The following DLG2 variants were observed in gnomAD, a reference collection of about 807,000 sequenced individuals.
The protein encoded by DLG2 is discs large MAGUK scaffold protein 2.
DLG2 carries 45 observed loss-of-function variants against 132.5 expected under a neutral mutation model. The ratio of observed to expected loss-of-function variants is 0.34; its 90% CI spans 0.27 to 0.44. The LOEUF (loss-of-function observed/expected upper bound fraction) is 0.44. DLG2 is among the 20% of genes least tolerant of loss of function. The probability of loss-of-function intolerance (pLI) is 1.00; values close to 1 mark genes in which losing one functional copy is unlikely to be tolerated. For synonymous variants in DLG2, 424 were observed against 419.6 expected, an observed-to-expected ratio of 1.01 and a Z score of -0.13; for missense variants, 1,045 against 1,196.9, an observed-to-expected ratio of 0.87 and a Z score of 1.87.
chr11:85,078,977 C>G (rs531139126), intron 6 of DLG2, among the ~76,000 whole-genome samples: 2 of 151,962 alleles, frequency 1.3e-5, no homozygotes, highest in East Asian at 3.9e-4. Flanking sequence ...GTCCTCAGAA[C>G]ATGCACCCAA....
At chr11:84,330,005 C>T (rs897843537) in intron 7 of DLG2, among the ~76,000 whole-genome samples, 2 of 151,926 alleles carry the variant, frequency 1.3e-5, no homozygotes, top group African/African-American at 2.4e-5. Flanking sequence ...ATAAAATAAG[C>T]TTTCACACCA....
intron 7 of DLG2, among the ~76,000 whole-genome samples, chr11:84,375,717 T>C (rs1403245892): frequency 6.6e-6 from 1 of 152,034 alleles, no homozygotes; most frequent in Non-Finnish European, 1.5e-5. Context: ...TAATACTGAT[T>C]GTTATTGAGG....
At chr11:83,662,390 C>T (rs923306830) in intron 18 of DLG2, among the ~76,000 whole-genome samples, 1 of 152,218 alleles carries the variant, frequency 6.6e-6, no homozygotes, top group African/African-American at 2.4e-5. Context: ...ACCCCCAGCT[C>T]TTCTCTCTCT....
chr11:84,796,945 C>T (rs1195353676), intron 6 of DLG2, among the ~76,000 whole-genome samples: 1 of 151,990 alleles, frequency 6.6e-6, no homozygotes, highest in Middle Eastern at 3.2e-3. Flanking sequence ...CTCCTGGGTT[C>T]AAGCGATTCT....
intron 3 of DLG2, among the ~76,000 whole-genome samples, chr11:85,491,726 C>T (rs2093564103): frequency 6.6e-6 from 1 of 151,894 alleles, no homozygotes; most frequent in African/African-American, 2.4e-5. Context: ...AAAACTAAAA[C>T]ACTGGTTAAA....
chr11:83,513,656 T>C (rs1185379904), intron 21 of DLG2, among the ~76,000 whole-genome samples: 3 of 152,232 alleles, frequency 2.0e-5, no homozygotes, highest in Admixed American at 6.5e-5. Context: ...GTTTTTATGG[T>C]TTTAGATCTA....
intron 4 of DLG2, among the ~76,000 whole-genome samples, chr11:85,193,202 G>A (rs767713953): frequency 2.0e-5 from 3 of 152,026 alleles, no homozygotes; most frequent in African/African-American, 7.3e-5. Context: ...TTTCCACTTA[G>A]GATAATGTTT....
In DLG2 at chr11:84,767,911, C is replaced by G. The variant is rs969799983; in HGVS notation, c.358-233180G>C. On this transcript the variant is annotated intron_variant, in intron 6 of 27. Transcript: ENST00000376104. ...CTCCCTTTGGCCTTCTCTTAAAACTCTGGATACATGTATTATCAGGAGAAA... is the reference window on the plus strand; with the variant it reads ...CTCCCTTTGGCCTTCTCTTAAAACTGTGGATACATGTATTATCAGGAGAAA... Among the ~76,000 whole-genome samples, 8 of 152,152 alleles carry G rather than the reference C, an allele frequency of 5.3e-5. No individual in the cohort carries two copies. The East Asian group carries it at 7.7e-4, about 15-fold the overall frequency.
intron 10 of DLG2, among the ~76,000 whole-genome samples, chr11:84,071,130 T>C (rs74965124): frequency 0.021 from 3,266 of 152,318 alleles, 97 homozygotes; most frequent in East Asian, 0.13. Flanking sequence ...TCTCATTCTG[T>C]TGCCCCAGCT....
In DLG2 at chr11:85,436,590, A is replaced by C. The variant is rs1478913769; in HGVS notation, c.41-151225T>G. ...ATCATTGATCATTAGAGAAATGCAAATCCAAACCACAGTGAGATACTATCT... is the reference window on the plus strand; with the variant it reads ...ATCATTGATCATTAGAGAAATGCAACTCCAAACCACAGTGAGATACTATCT... On this transcript the variant is annotated intron_variant, in intron 3 of 27. Transcript: ENST00000376104. 2.6e-5 allele frequency among the ~76,000 whole-genome samples: 4 copies of C among 152,364 alleles called. No homozygotes were observed. In the East Asian group the frequency reaches 7.7e-4, roughly 29 times the overall value.
chr11:84,361,561 T>C (rs902342053), intron 7 of DLG2, among the ~76,000 whole-genome samples: 2 of 151,962 alleles, frequency 1.3e-5, no homozygotes, highest in African/African-American at 4.8e-5. Flanking sequence ...GGAAGATTTG[T>C]GGGCAAAGAA....
chr11:85,373,107 C>G (rs2085119009), intron 3 of DLG2, among the ~76,000 whole-genome samples: 1 of 152,110 alleles, frequency 6.6e-6, no homozygotes, highest in Admixed American at 6.5e-5. Flanking sequence ...ACTGGTCGAC[C>G]TAGGTTTGGG....
chr11:84,774,624 C>T (rs111678985), intron 6 of DLG2, among the ~76,000 whole-genome samples: 2,212 of 151,952 alleles, frequency 0.015, 53 homozygotes, highest in African/African-American at 0.05. Context: ...GGGCCGAGAA[C>T]GCAGAAATAA....
rs76503624 is a variant in DLG2, at chr11:84,206,439, T to C, written c.574-42928A>G. 8.3e-3 allele frequency among the ~76,000 whole-genome samples: 1,256 copies of C among 151,940 alleles called. 21 individuals carry two copies. Among genetic ancestry groups the C allele is most frequent in the African/African-American group, 0.029 (1,200 of 41,466 alleles). On this transcript the variant is annotated intron_variant, in intron 8 of 27. Transcript: ENST00000376104. ...ATAATATAACCTGACAAGAACACAATGAGAAAAGCAAAAGATCAATATCCT... is the reference window on the plus strand; with the variant it reads ...ATAATATAACCTGACAAGAACACAACGAGAAAAGCAAAAGATCAATATCCT...
At chr11:83,851,356 G>A (rs901104045) in intron 16 of DLG2, among the ~76,000 whole-genome samples, 42 of 152,132 alleles carry the variant, frequency 2.8e-4, no homozygotes, top group Non-Finnish European at 5.0e-4. Flanking sequence ...TGGGCGGGGT[G>A]GCTCATGCCT....
At chr11:85,318,854 C>G (rs1305659956) in intron 3 of DLG2, among the ~76,000 whole-genome samples, 1 of 151,780 alleles carries the variant, frequency 6.6e-6, no homozygotes, top group Non-Finnish European at 1.5e-5. Context: ...GGTTAAGAAT[C>G]CATGACAACT....
chr11:85,018,982 A>G (rs1566660339), intron 6 of DLG2, among the ~76,000 whole-genome samples: 1 of 152,196 alleles, frequency 6.6e-6, no homozygotes, highest in Non-Finnish European at 1.5e-5. Flanking sequence ...AATACATTGT[A>G]ACATTTGTGT....
chr11:84,744,527 C>T (rs530127519), intron 6 of DLG2, among the ~76,000 whole-genome samples: 4 of 152,080 alleles, frequency 2.6e-5, no homozygotes, highest in Admixed American at 6.6e-5. Flanking sequence ...GGGAATTTAC[C>T]GTTCTGTGTC....
intron 3 of DLG2, among the ~76,000 whole-genome samples, chr11:85,568,040 G>A (rs1364829600): frequency 2.1e-5 from 3 of 144,086 alleles, no homozygotes; most frequent in African/African-American, 7.8e-5. Flanking sequence ...TTGAGATGGA[G>A]TTTTGCTCTT....
Sources: allele counts gnomAD v4.1 joint callset (sites outside exome capture counted in the v4.1 genomes callset), GRCh38; gene constraint gnomAD v4.1.1; transcripts MANE v1.5; gene names NCBI Gene and HGNC (gene_info 2026-07-23, HGNC 2026-07-21).